PCDH15: variants seen among roughly 807,000 people sequenced by gnomAD.
The protein encoded by PCDH15 is protocadherin-15.
PCDH15 carries 129 observed loss-of-function variants against 178.5 expected under a neutral mutation model. That is an observed-to-expected ratio of 0.72 (90% CI 0.63 to 0.84). The LOEUF is 0.84. Ranked by LOEUF, PCDH15 falls within the 40% of genes least tolerant of loss-of-function variation. The probability of loss-of-function intolerance (pLI) is 0.00; values close to 1 mark genes in which losing one functional copy is unlikely to be tolerated. For synonymous variants in PCDH15, 800 were observed against 732.0 expected, an observed-to-expected ratio of 1.09 and a Z score of -1.50; for missense variants, 2,230 against 2,099.9, an observed-to-expected ratio of 1.06 and a Z score of -1.21.
At chr10:55,590,158 T>C (rs1842813683) in intron 2 of PCDH15, among the ~76,000 whole-genome samples, 1 of 151,598 alleles carries the variant, frequency 6.6e-6, no homozygotes, top group Admixed American at 6.6e-5. Flanking sequence ...TTCATGTCCT[T>C]TATAGGGACA....
At chr10:54,486,730 A>T (rs2137029001) in intron 3 of PCDH15, among the ~76,000 whole-genome samples, 1 of 152,026 alleles carries the variant, frequency 6.6e-6, no homozygotes, top group East Asian at 1.9e-4. Flanking sequence ...GTTATTTGTG[A>T]TGTTAGGACT....
intron 2 of PCDH15, among the ~76,000 whole-genome samples, chr10:55,395,168 C>CGTGTGTGTGTGTGT (rs35472682): frequency 7.8e-6 from 1 of 127,924 alleles, no homozygotes; most frequent in African/African-American, 3.1e-5. Flanking sequence ...TATTTAACTG[C>CGTGTGTGTGTGTGT]GTGTGTGTGT....
At chr10:55,606,769 C>T (rs1274733311) in intron 2 of PCDH15, among the ~76,000 whole-genome samples, 144 of 145,336 alleles carry the variant, frequency 9.9e-4, no homozygotes, top group Middle Eastern at 3.5e-3. Flanking sequence ...AAGACTTAAA[C>T]ATTAGACCTA....
chr10:54,146,706 C>T (rs2043939689), intron 14 of PCDH15, among the ~76,000 whole-genome samples: 1 of 150,982 alleles, frequency 6.6e-6, no homozygotes, highest in Non-Finnish European at 1.5e-5. Flanking sequence ...TCATATTGGA[C>T]TTATTTTCAG....
chr10:54,489,136 A>G (rs2079357542), intron 3 of PCDH15, among the ~76,000 whole-genome samples: 1 of 152,048 alleles, frequency 6.6e-6, no homozygotes, highest in East Asian at 1.9e-4. Flanking sequence ...AGGAGCTAAG[A>G]TACCATTAAA....
chr10:55,578,755 G>C (rs1459010128), intron 2 of PCDH15, among the ~76,000 whole-genome samples: 1 of 152,154 alleles, frequency 6.6e-6, no homozygotes, highest in Non-Finnish European at 1.5e-5. Flanking sequence ...GTTGGAAGGG[G>C]AAGGGGGAGC....
chr10:54,731,549 T>A (rs549049694), intron 1 of PCDH15, among the ~76,000 whole-genome samples: 2 of 32,326 alleles, frequency 6.2e-5, no homozygotes, highest in South Asian at 2.4e-3. Context: ...GAGATAGATA[T>A]ATATATATAT....
chr10:54,945,535 T>C (rs1838177632), intron 2 of PCDH15, among the ~76,000 whole-genome samples: 1 of 151,796 alleles, frequency 6.6e-6, no homozygotes, highest in Non-Finnish European at 1.5e-5. Flanking sequence ...GAGAAATTTG[T>C]ATTGATCACT....
chr10:54,788,234 T>C (rs879349085), intron 1 of PCDH15, among the ~76,000 whole-genome samples: 3 of 151,882 alleles, frequency 2.0e-5, no homozygotes, highest in African/African-American at 4.8e-5. Flanking sequence ...GCTTGTAATA[T>C]GATATTAGAT....
chr10:55,579,704 G>A (rs920770673), intron 2 of PCDH15, among the ~76,000 whole-genome samples: 1 of 152,088 alleles, frequency 6.6e-6, no homozygotes, highest in African/African-American at 2.4e-5. Flanking sequence ...CAAACATTAT[G>A]CTAGGAATTG....
At chr10:55,316,543 A>G (rs949399029) in intron 1 of PCDH15, among the ~76,000 whole-genome samples, 18 of 152,112 alleles carry the variant, frequency 1.2e-4, no homozygotes, top group African/African-American at 4.3e-4. Flanking sequence ...AGAATCTATC[A>G]TTACAAAGTT....
intron 8 of PCDH15, among the ~76,000 whole-genome samples, chr10:54,239,414 A>T (rs1177281768): frequency 7.2e-6 from 1 of 138,164 alleles, no homozygotes; most frequent in African/African-American, 3.1e-5. Flanking sequence ...CCTGTGATTA[A>T]ATATATATAT....
At chr10:55,272,656 G>C (rs963549986) in intron 1 of PCDH15, among the ~76,000 whole-genome samples, 1 of 151,876 alleles carries the variant, frequency 6.6e-6, no homozygotes, top group Admixed American at 6.6e-5. Flanking sequence ...CAAAGTATTG[G>C]GATTACAGGT....
At chr10:55,372,783 A>G (rs1213288106) in intron 2 of PCDH15, among the ~76,000 whole-genome samples, 2 of 152,158 alleles carry the variant, frequency 1.3e-5, no homozygotes, top group Non-Finnish European at 2.9e-5. Flanking sequence ...TTTCTGTAAT[A>G]CATAGTCTTC....
intron 2 of PCDH15, among the ~76,000 whole-genome samples, chr10:55,373,859 G>A (rs981734704): frequency 2.7e-5 from 4 of 150,380 alleles, no homozygotes; most frequent in African/African-American, 9.8e-5. Flanking sequence ...GAACAGAAAA[G>A]CAAACACTGC....
At chr10:55,604,961 GT>G (rs1375584741) in intron 2 of PCDH15, among the ~76,000 whole-genome samples, 1 of 151,982 alleles carries the variant, frequency 6.6e-6, no homozygotes, top group Admixed American at 6.6e-5. Context: ...CCAGGAGCTG[GT>G]TTTTCGAAAG....
chr10:54,531,689 C>G (rs2083941965), intron 2 of PCDH15, among the ~76,000 whole-genome samples: 1 of 152,092 alleles, frequency 6.6e-6, no homozygotes, highest in African/African-American at 2.4e-5. Flanking sequence ...AAACTATTTA[C>G]TTTAAAAAAT....
intron 2 of PCDH15, among the ~76,000 whole-genome samples, chr10:55,082,517 C>T (rs928110399): frequency 3.4e-5 from 5 of 147,688 alleles, no homozygotes; most frequent in Non-Finnish European, 6.0e-5. Context: ...AAAAGCAAAA[C>T]CAAACCAAAC....
chr10:55,201,727 A>G (rs1046158282), intron 1 of PCDH15, among the ~76,000 whole-genome samples: 10 of 152,326 alleles, frequency 6.6e-5, no homozygotes, highest in African/African-American at 2.2e-4. Context: ...AGTTATTCAC[A>G]AAGTCAAATG....
Sources: allele counts gnomAD v4.1 joint callset (sites outside exome capture counted in the v4.1 genomes callset), GRCh38; gene constraint gnomAD v4.1.1; transcripts MANE v1.5; gene names NCBI Gene and HGNC (gene_info 2026-07-23, HGNC 2026-07-21).